ZNF385D: variants seen among roughly 807,000 people sequenced by gnomAD.
The protein encoded by ZNF385D is zinc finger protein 659.
ZNF385D carries 15 observed loss-of-function variants against 35.8 expected under a neutral mutation model. The observed-to-expected ratio is 0.42, with a 90% confidence interval of 0.28 to 0.64. The LOEUF is 0.64. Ranked by LOEUF, ZNF385D falls within the 30% of genes least tolerant of loss-of-function variation. The pLI is 0.23. For missense variants in ZNF385D, 474 were observed against 494.6 expected (o/e 0.96, Z 0.39); for synonymous variants, 212 against 186.8 (o/e 1.13, Z -1.10).
intron 2 of ZNF385D, among the ~76,000 whole-genome samples, chr3:22,279,474 TATATATATATATGGAATATACATATGTAC>T (rs1240963859): frequency 9.3e-5 from 13 of 139,534 alleles, no homozygotes; most frequent in South Asian, 2.4e-4. Flanking sequence ...TTCCACAGTA[TATATATATATATGGAATATACATATGTAC>T]ATATATATGT....
chr3:21,658,372 TTCTTTCC>T (rs2066135863), intron 2 of ZNF385D, among the ~76,000 whole-genome samples: 1 of 152,040 alleles, frequency 6.6e-6, no homozygotes, highest in Non-Finnish European at 1.5e-5. Flanking sequence ...ATGCTTGCTT[TTCTTTCC>T]TAATAAGTGA....
chr3:21,655,591 A>G (rs1326800639), intron 2 of ZNF385D, among the ~76,000 whole-genome samples: 1 of 151,936 alleles, frequency 6.6e-6, no homozygotes, highest in Non-Finnish European at 1.5e-5. Flanking sequence ...TCACAGCCAG[A>G]CTCTCATTCA....
At chr3:21,972,225 A>G (rs1191674089) in intron 3 of ZNF385D, among the ~76,000 whole-genome samples, 3 of 152,062 alleles carry the variant, frequency 2.0e-5, no homozygotes, top group African/African-American at 7.2e-5. Flanking sequence ...AAAAATTTCA[A>G]AAGAAGAAAT....
chr3:22,188,325 G>C (rs9310687), intron 2 of ZNF385D, among the ~76,000 whole-genome samples: 94,575 of 152,044 alleles, frequency 0.62, 31,552 homozygotes, highest in African/African-American at 0.87. Flanking sequence ...ACAGTATTTC[G>C]TGCTAAATCC....
At chr3:21,973,652 G>A (rs1029327095) in intron 3 of ZNF385D, among the ~76,000 whole-genome samples, 1 of 151,920 alleles carries the variant, frequency 6.6e-6, no homozygotes, top group East Asian at 1.9e-4. Context: ...GTTTGCAGAT[G>A]ATATGATTTT....
intron 3 of ZNF385D, among the ~76,000 whole-genome samples, chr3:21,914,977 G>T (rs1575903481): frequency 6.6e-6 from 1 of 150,644 alleles, no homozygotes; most frequent in East Asian, 1.9e-4. Context: ...CAAGCACGAG[G>T]AAAAGTTTGT....
intron 3 of ZNF385D, among the ~76,000 whole-genome samples, chr3:22,006,136 TTTAGA>T (rs1422742866): frequency 1.3e-5 from 2 of 152,076 alleles, no homozygotes; most frequent in Non-Finnish European, 2.9e-5. Flanking sequence ...CTCTTCAACC[TTTAGA>T]TAAGTTTTTA....
At chr3:21,911,255 C>T (rs1699946328) in intron 3 of ZNF385D, among the ~76,000 whole-genome samples, 1 of 151,830 alleles carries the variant, frequency 6.6e-6, no homozygotes, top group African/African-American at 2.4e-5. Context: ...TTATGAGAGT[C>T]CATTAGTTCT....
At chr3:22,170,285 A>G (rs779672647) in intron 2 of ZNF385D, among the ~76,000 whole-genome samples, 5 of 152,250 alleles carry the variant, frequency 3.3e-5, no homozygotes, top group Non-Finnish European at 7.3e-5. Flanking sequence ...TTGCAATTAT[A>G]CAAACTTAAT....
intron 3 of ZNF385D, among the ~76,000 whole-genome samples, chr3:21,842,742 G>C (rs578183202): frequency 5.5e-4 from 84 of 152,176 alleles, no homozygotes; most frequent in African/African-American, 1.9e-3. Context: ...TGGTAGAGAA[G>C]TACAATACTT....
intron 3 of ZNF385D, among the ~76,000 whole-genome samples, chr3:21,832,600 C>T (rs979805533): frequency 6.6e-6 from 1 of 152,116 alleles, no homozygotes; most frequent in African/African-American, 2.4e-5. Flanking sequence ...CCTGTGTAAC[C>T]GGTAAATACA....
intron 3 of ZNF385D, among the ~76,000 whole-genome samples, chr3:21,963,486 T>A (rs1310990892): frequency 1.3e-5 from 2 of 152,204 alleles, no homozygotes; most frequent in African/African-American, 2.4e-5. Context: ...CCTTATTGCC[T>A]AAGATTCTGA....
At chr3:21,812,740 GC>G (rs1404916461) in intron 3 of ZNF385D, among the ~76,000 whole-genome samples, 1 of 152,210 alleles carries the variant, frequency 6.6e-6, no homozygotes, top group East Asian at 1.9e-4. Flanking sequence ...AAGGAGGCCT[GC>G]CTGCCTCTGT....
At chr3:21,434,914 G>A (rs1455283964) in intron 5 of ZNF385D, among the ~76,000 whole-genome samples, 1 of 152,068 alleles carries the variant, frequency 6.6e-6, no homozygotes, top group Non-Finnish European at 1.5e-5. Flanking sequence ...ACTCTTATAA[G>A]GGAATTCAAG....
At chr3:21,512,329 G>A (rs2125472639) in intron 3 of ZNF385D, among the ~76,000 whole-genome samples, 1 of 152,062 alleles carries the variant, frequency 6.6e-6, no homozygotes, top group Admixed American at 6.6e-5. Context: ...CCCCACAAAA[G>A]GATATCTCAG....
intron 3 of ZNF385D, among the ~76,000 whole-genome samples, chr3:21,856,551 T>A (rs1048813915): frequency 5.9e-5 from 9 of 151,986 alleles, no homozygotes; most frequent in African/African-American, 1.9e-4. Context: ...AATCTTGGAA[T>A]TTTCCCCCTT....
At chr3:22,101,207 G>C (rs1701923737) in intron 3 of ZNF385D, among the ~76,000 whole-genome samples, 1 of 151,992 alleles carries the variant, frequency 6.6e-6, no homozygotes, top group Admixed American at 6.6e-5. Context: ...GAGATAAAAA[G>C]CACCAAAATT....
chr3:21,506,402 T>G (rs1401135084), intron 4 of ZNF385D, among the ~76,000 whole-genome samples: 5 of 152,162 alleles, frequency 3.3e-5, no homozygotes, highest in African/African-American at 1.2e-4. Flanking sequence ...TGTTTATTAC[T>G]GCAATATAAC....
At chr3:21,594,217 A>T (rs1201139881) in intron 2 of ZNF385D, among the ~76,000 whole-genome samples, 2 of 152,148 alleles carry the variant, frequency 1.3e-5, no homozygotes, top group Non-Finnish European at 2.9e-5. Context: ...ACCTGCCAAG[A>T]TCATTCACAC....
Sources: allele counts gnomAD v4.1 joint callset (sites outside exome capture counted in the v4.1 genomes callset), GRCh38; gene constraint gnomAD v4.1.1; transcripts MANE v1.5; gene names NCBI Gene and HGNC (gene_info 2026-07-23, HGNC 2026-07-21).